Variants in SDHA observed in about 807,000 individuals in gnomAD.
The protein encoded by SDHA is succinate dehydrogenase complex flavoprotein subunit A, also known as succinate dehydrogenase [ubiquinone] flavoprotein subunit, mitochondrial.
In SDHA, 48 loss-of-function variants were observed where a neutral mutation model predicts 78.4. The ratio of observed to expected loss-of-function variants is 0.61; its 90% CI spans 0.49 to 0.78. The LOEUF (loss-of-function observed/expected upper bound fraction) is 0.78. SDHA is among the 30% of genes least tolerant of loss of function. The pLI is 0.00. For synonymous variants in SDHA, 326 were observed against 353.9 expected, an observed-to-expected ratio of 0.92 and a Z score of 0.88; for missense variants, 680 against 892.7, an observed-to-expected ratio of 0.76 and a Z score of 3.04.
At chr5:231,170 C>T (rs181117421) in intron 7 of SDHA, among the ~76,000 whole-genome samples, 170 bp downstream of exon 7, 113 of 152,280 alleles carry the variant, frequency 7.4e-4, no homozygotes, top group African/African-American at 2.5e-3. Flanking sequence ...GAGACTTTTC[C>T]CACACTCCCC....
chr5:234,440 A>AC (rs56026735), intron 8 of SDHA: 14,265 of 141,460 alleles, frequency 0.1, 1,114 homozygotes, highest in Admixed American at 0.13. Flanking sequence ...AAAAAAAAAA[A>AC]AAAACAGAGA....
intron 1 of SDHA, among the ~76,000 whole-genome samples, chr5:220,636 G>C (rs955118467): frequency 1.4e-5 from 2 of 139,644 alleles, no homozygotes; most frequent in African/African-American, 6.4e-5. Context: ...TTTTCCCAAG[G>C]GTCTTTAGAT....
At chr5:221,587 T>C (rs988593535) in intron 1 of SDHA, among the ~76,000 whole-genome samples, 1 of 152,364 alleles carries the variant, frequency 6.6e-6, no homozygotes. Flanking sequence ...TGAAATTCTG[T>C]ATTGTTAAGC....
chr5:236,029 CTTT>C, intron 9 of SDHA: 1 of 284,976 alleles, frequency 3.5e-6, no homozygotes, highest in South Asian at 3.4e-5. Flanking sequence ...ACTTCCCTCT[CTTT>C]TTTTTTCTTG....
At chr5:252,597 T>A (rs112346029) in intron 13 of SDHA, among the ~76,000 whole-genome samples, 4 of 100,146 alleles carry the variant, frequency 4.0e-5, no homozygotes, top group African/African-American at 2.2e-4. Context: ...TTTAAGCCTG[T>A]CCTGTGGAGG....
intron 11 of SDHA, chr5:249,051 A>G (rs1182610096): frequency 4.9e-6 from 2 of 409,782 alleles, no homozygotes; most frequent in African/African-American, 2.1e-5. Flanking sequence ...TGGATATTGC[A>G]AAATTGAAAG....
At chr5:239,012 T>A (rs1160155725) in intron 10 of SDHA, among the ~76,000 whole-genome samples, 1 of 151,322 alleles carries the variant, frequency 6.6e-6, no homozygotes, top group African/African-American at 2.5e-5. Flanking sequence ...AAGAAAAAAG[T>A]CAATTTTACT....
chr5:253,531 C>T (rs1346080586), intron 13 of SDHA, among the ~76,000 whole-genome samples: 6 of 152,086 alleles, frequency 3.9e-5, no homozygotes, highest in African/African-American at 1.2e-4. Context: ...CTCTGCCTCC[C>T]GGGTTCAAGT....
At chr5:251,855 C>A (rs1341143645) in intron 13 of SDHA, 9 of 571,294 alleles carry the variant, frequency 1.6e-5, no homozygotes, top group Admixed American at 3.7e-5. Flanking sequence ...AACGAGTAAG[C>A]CACCGTTTCA....
In SDHA at chr5:256,704, A is replaced by C. The variant is rs1737222971; in HGVS notation, c.*284A>C. 2.4e-6 allele frequency: 1 copy of C among 422,672 alleles called. No homozygotes were observed. The highest frequency in any genetic ancestry group is 2.0e-5 in the African/African-American group (1 of 50,476). 26.2% of individuals were successfully genotyped at this position (422,672 alleles called of 1,614,324 possible). A position where few individuals can be genotyped will look rare whatever the true frequency, so the allele number is the denominator to read the frequency against. ...CAAACTTTCTTTTATTTCCAAATCC[A>C]TTTGAAATATTTTACTGTTGTGACT... is the stretch of plus-strand genomic sequence containing the variant. On this transcript the variant is annotated 3_prime_UTR_variant, in exon 15 of 15. Coordinates refer to ENST00000264932, the MANE Select transcript of SDHA (RefSeq NM_004168.4).
rs377697029 is a variant in SDHA at position 236,224 on chromosome 5, C to T, written c.1261-204C>T. 8.2e-5 allele frequency: 50 copies of T among 612,748 alleles called. 1 individual carries two copies. Among genetic ancestry groups the T allele is most frequent in the African/African-American group, 3.9e-4 (21 of 54,310 alleles). The allele number at this position is 612,748 out of a possible 1,614,324, so 38.0% of individuals were successfully genotyped here. ...ATTTTTAGTAGAGATGGGGTTTCAC[C>T]GTGTTAGCCAGACAGGTCTTGAACC... is the stretch of plus-strand genomic sequence containing the variant. On this transcript the variant is annotated intron_variant, in intron 9 of 14. Coordinates refer to ENST00000264932, the MANE Select transcript of SDHA (RefSeq NM_004168.4).
In SDHA at chr5:224,364, C is replaced by T. The variant is rs377470390; in HGVS notation, c.155C>T (p.Ser52Phe). The T allele has an allele frequency of 7.3e-5, 118 of 1,613,024 alleles. No homozygotes were observed. The highest frequency in any genetic ancestry group is 5.0e-4 in the Admixed American group (30 of 60,006). ...RASAKVSDSI[S>F]AQYPVVDHEF... ...AGGTGAATTTTTCTTTTCCAGATTT[C>T]TGCTCAGTATCCAGTAGTGGATCAT... Residue 52 changes from serine to phenylalanine, a missense_variant, in exon 3 of 15, where the codon TCT becomes TTT. Physicochemically the swap from Ser to Phe is radical, Grantham distance 155. Transcript: ENST00000264932.
intron 9 of SDHA, 94 bp downstream of exon 9, chr5:235,433 T>G: frequency 8.1e-7 from 1 of 1,231,282 alleles, no homozygotes; most frequent in Non-Finnish European, 1.2e-6. Flanking sequence ...CAGGAAAAGA[T>G]AGATGTTTCC....
intron 11 of SDHA, among the ~76,000 whole-genome samples, chr5:245,157 A>G (rs1304477602): frequency 1.3e-5 from 2 of 152,168 alleles, no homozygotes; most frequent in African/African-American, 4.8e-5. Context: ...TAGCTCCAAC[A>G]TTTTCCCCTT....
At chr5:235,422 A>G (rs1388859806) in intron 9 of SDHA, 83 bp downstream of exon 9, 3 of 1,309,088 alleles carry the variant, frequency 2.3e-6, no homozygotes, top group Non-Finnish European at 3.3e-6. Context: ...TTTAGATCTT[A>G]CAGGAAAAGA....
chr5:225,553 C>G lies in SDHA; in HGVS notation c.447C>G (p.Ala149=), dbSNP rs752187837. 3.7e-6 allele frequency: 6 copies of G among 1,613,866 alleles called. No individual in the cohort carries two copies. Among genetic ancestry groups the G allele is most frequent in the Non-Finnish European group, 4.2e-6 (5 of 1,179,844 alleles). The change falls in exon 4 of 15, where the codon GCC becomes GCG. Residue 149 remains alanine, a synonymous_variant. Coordinates refer to ENST00000264932, the MANE Select transcript of SDHA (RefSeq NM_004168.4). ...IHYMTEQAPA[A]VVELENYGMP... is the part of the protein sequence containing the mutation. The stretch of plus-strand genomic sequence containing the variant: ...ACATGACGGAGCAGGCCCCCGCCGC[C>G]GTGGTCGAGGTGATGGGCGGGAGGC...
chr5:256,823 CTTTTCT>C lies in SDHA; in HGVS notation c.*408_*413del, dbSNP rs1561017113. 3.5e-5 allele frequency: 8 copies of C among 227,778 alleles called. No individual in the cohort carries two copies. The highest frequency in any genetic ancestry group is 1.0e-4 in the South Asian group (1 of 9,880). The allele number at this position is 227,778 out of a possible 1,614,324, so 14.1% of individuals were successfully genotyped here. On this transcript the variant is annotated 3_prime_UTR_variant, in exon 15 of 15. Coordinates refer to ENST00000264932, the MANE Select transcript of SDHA (RefSeq NM_004168.4). ...TTTGTATAGTTTCTTTTTTCTTTTT[CTTTTCT>C]TTTTTTTTTTTGAGACAGGATCGGT...
intron 11 of SDHA, among the ~76,000 whole-genome samples, chr5:247,737 A>G (rs1371183582): frequency 6.6e-6 from 1 of 152,176 alleles, no homozygotes; most frequent in African/African-American, 2.4e-5. Context: ...TGCCTACGTT[A>G]AACGTCACCT....
Position 240,342 on chromosome 5 carries a change from C to CT in SDHA, c.1433-8dup, listed in dbSNP as rs769594966. ...ACGGTTTTCAAAAGTTAAATTCTAGCTTTTTTTTGTTTTAGGAGATAAAGT... is the reference window on the plus strand; with the variant it reads ...ACGGTTTTCAAAAGTTAAATTCTAGCTTTTTTTTTGTTTTAGGAGATAAAGT... On this transcript the variant is annotated splice_polypyrimidine_tract_variant and intron_variant, in intron 10 of 14. Transcript: ENST00000264932. 4.7e-5 allele frequency: 70 copies of CT among 1,502,316 alleles called. No homozygotes were observed. Among genetic ancestry groups the CT allele is most frequent in the East Asian group, 6.8e-5 (3 of 44,286 alleles). The allele number at this position is 1,502,316 out of a possible 1,614,324, so 93.1% of individuals were successfully genotyped here. A position where few individuals can be genotyped will look rare whatever the true frequency, so the allele number is the denominator to read the frequency against.
Sources: allele counts gnomAD v4.1 joint callset (sites outside exome capture counted in the v4.1 genomes callset), GRCh38; gene constraint gnomAD v4.1.1; transcripts MANE v1.5; gene names NCBI Gene and HGNC (gene_info 2026-07-23, HGNC 2026-07-21).